The following RHOT1 variants were observed in gnomAD, a reference collection of about 807,000 sequenced individuals.
RHOT1 encodes mitochondrial Rho GTPase 1.
Under a neutral mutation model 95.3 loss-of-function variants are expected in RHOT1, and 27 were observed. The observed-to-expected ratio is 0.28, with a 90% confidence interval of 0.21 to 0.39. The LOEUF (loss-of-function observed/expected upper bound fraction) is 0.39, where lower values mean the gene tolerates loss of function less well. Ranked by LOEUF, RHOT1 falls within the 10% of genes least tolerant of loss-of-function variation. The pLI is 1.00. For missense variants in RHOT1, 578 were observed against 786.7 expected, an observed-to-expected ratio of 0.73 and a Z score of 3.17; for synonymous variants, 227 against 263.5, an observed-to-expected ratio of 0.86 and a Z score of 1.34.
intron 6 of RHOT1, among the ~76,000 whole-genome samples, chr17:32,182,108 C>T (rs1395156219): frequency 1.3e-5 from 2 of 152,212 alleles, no homozygotes; most frequent in African/African-American, 4.8e-5. Flanking sequence ...CTTCCCACTA[C>T]TCTATCCCCC....
At chr17:32,182,576 A>G (rs996323455) in intron 6 of RHOT1, among the ~76,000 whole-genome samples, 181 bp from the exon 7 acceptor site, 1 of 152,216 alleles carries the variant, frequency 6.6e-6, no homozygotes, top group African/African-American at 2.4e-5. Flanking sequence ...TAGGTGCTCA[A>G]TAGATAACAT....
intron 1 of RHOT1, among the ~76,000 whole-genome samples, chr17:32,155,124 A>G (rs1477099252): frequency 1.3e-5 from 2 of 152,154 alleles, no homozygotes; most frequent in Admixed American, 6.5e-5. Context: ...ATGGTAAGTC[A>G]GGGACTGTCT....
At chr17:32,151,473 G>A in intron 1 of RHOT1, 1 of 613,492 alleles carries the variant, frequency 1.6e-6, no homozygotes. Flanking sequence ...AAAGAGTCTA[G>A]CTAGGGATTC....
chr17:32,198,326 T>C (rs1021280224), intron 11 of RHOT1, among the ~76,000 whole-genome samples: 6 of 152,228 alleles, frequency 3.9e-5, no homozygotes, highest in African/African-American at 1.4e-4. Context: ...AGCTCATAAG[T>C]ATGACTTAAA....
At chr17:32,150,602 A>G (rs2032162951) in intron 1 of RHOT1, 1 of 1,587,226 alleles carries the variant, frequency 6.3e-7, no homozygotes, top group Non-Finnish European at 8.6e-7. Flanking sequence ...CCTACCTGGT[A>G]CTTTGTGAGT....
At position 32,143,011 on chromosome 17, in the gene RHOT1, C is replaced by G. The variant is rs1461302334; in HGVS notation, c.37+282C>G. On this transcript the variant is annotated intron_variant, in intron 1 of 19. Transcript: ENST00000545287. ...CCTCCCAAGCCATGTCCCTATTAGC[C>G]CTAACCGCCCGACCTCATCCCTCCG... 4.2e-6 allele frequency: 3 copies of G among 707,154 alleles called. No homozygotes were observed. In the Admixed American group the frequency reaches 6.0e-5, roughly 14 times the overall value. 43.8% of individuals were successfully genotyped at this position (707,154 alleles called of 1,614,324 possible).
chr17:32,173,327 A>G (rs2034728477), intron 2 of RHOT1, among the ~76,000 whole-genome samples: 1 of 152,220 alleles, frequency 6.6e-6, no homozygotes, highest in Non-Finnish European at 1.5e-5. Context: ...TTACCAGTTG[A>G]GCATTTCCCT....
chr17:32,162,164 TGTAGTTG>T (rs1324931994), intron 1 of RHOT1, among the ~76,000 whole-genome samples: 3 of 152,154 alleles, frequency 2.0e-5, no homozygotes, highest in Non-Finnish European at 4.4e-5. Context: ...CCTCTAATCA[TGTAGTTG>T]GTTTTTCTGG....
intron 19 of RHOT1, among the ~76,000 whole-genome samples, chr17:32,216,555 T>C (rs1204095459): frequency 6.6e-6 from 1 of 152,168 alleles, no homozygotes; most frequent in East Asian, 1.9e-4. Context: ...ATCATACCTA[T>C]TGCATTTTTT....
chr17:32,184,141 A>G (rs1056295566), intron 8 of RHOT1, among the ~76,000 whole-genome samples: 1 of 152,344 alleles, frequency 6.6e-6, no homozygotes, highest in East Asian at 1.9e-4. Flanking sequence ...CGTGGTTTTT[A>G]GTGTATTCAC....
At chr17:32,206,794 T>C (rs1289947284) in intron 16 of RHOT1, 116 bp from the exon 17 acceptor site, 3 of 774,706 alleles carry the variant, frequency 3.9e-6, no homozygotes, top group Non-Finnish European at 6.0e-6. Flanking sequence ...TGAAAAGTTA[T>C]GCTTAACCAG....
chr17:32,152,829 G>A (rs1272328583), intron 1 of RHOT1, among the ~76,000 whole-genome samples: 3 of 151,624 alleles, frequency 2.0e-5, no homozygotes, highest in African/African-American at 7.3e-5. Context: ...TTTGAGACAG[G>A]GCCTCACTCG....
chr17:32,199,331 T>TA, intron 12 of RHOT1, 74 bp from the exon 13 acceptor site: 1 of 1,390,894 alleles, frequency 7.2e-7, no homozygotes, highest in Non-Finnish European at 9.9e-7. Context: ...ATAGCTTTAC[T>TA]AGATTGGGGG....
chr17:32,146,369 A>G (rs1364772598), intron 1 of RHOT1, among the ~76,000 whole-genome samples: 1 of 152,188 alleles, frequency 6.6e-6, no homozygotes, highest in Middle Eastern at 3.2e-3. Flanking sequence ...CAGTTTGTTT[A>G]GACTTTCCTT....
intron 19 of RHOT1, among the ~76,000 whole-genome samples, chr17:32,215,888 T>C (rs1424873036): frequency 6.6e-6 from 1 of 152,174 alleles, no homozygotes; most frequent in Admixed American, 6.5e-5. Context: ...TTAGACTAAT[T>C]TATGAATAAC....
intron 16 of RHOT1, among the ~76,000 whole-genome samples, chr17:32,204,705 G>A (rs144726086): frequency 9.3e-5 from 14 of 150,200 alleles, no homozygotes; most frequent in African/African-American, 3.2e-4. Flanking sequence ...TGAGAAAAAT[G>A]GGTTAGGCAT....
chr17:32,183,972 C>T (rs1193621808), intron 8 of RHOT1, among the ~76,000 whole-genome samples: 1 of 152,244 alleles, frequency 6.6e-6, no homozygotes, highest in African/African-American at 2.4e-5. Context: ...AGGCGTGAGC[C>T]ACTGCGCCCA....
At chr17:32,184,692 T>G (rs2035898360) in intron 8 of RHOT1, among the ~76,000 whole-genome samples, 1 of 151,932 alleles carries the variant, frequency 6.6e-6, no homozygotes, top group Non-Finnish European at 1.5e-5. Flanking sequence ...AAGACAGGGT[T>G]TCGCCATGTT....
chr17:32,198,042 G>A (rs1327962470), intron 11 of RHOT1, among the ~76,000 whole-genome samples: 1 of 152,108 alleles, frequency 6.6e-6, no homozygotes, highest in African/African-American at 2.4e-5. Flanking sequence ...CTACAAGCAT[G>A]TGCCACCATG....
Sources: gnomAD v4.1 joint callset for allele counts (sites outside exome capture counted in the v4.1 genomes callset) on GRCh38, gnomAD v4.1.1 for gene constraint, MANE v1.5 for transcripts, NCBI Gene and HGNC (gene_info 2026-07-23, HGNC 2026-07-21) for gene names.